The following WDR25 variants were observed in gnomAD, a reference collection of about 807,000 sequenced individuals.
The protein encoded by WDR25 is WD repeat-containing protein 25.
In WDR25, 35 loss-of-function variants were observed where a neutral mutation model predicts 47.7. That is an observed-to-expected ratio of 0.73 (90% CI 0.56 to 0.97). The LOEUF (loss-of-function observed/expected upper bound fraction) is 0.97. WDR25 is among the 50% of genes least tolerant of loss of function. The pLI, the probability that WDR25 is intolerant of heterozygous loss-of-function variation, is 0.00. For synonymous variants in WDR25, 248 were observed against 278.9 expected (o/e 0.89, Z 1.10); for missense variants, 634 against 704.7 (o/e 0.90, Z 1.14).
chr14:100,432,008 C>T (rs925988655), intron 2 of WDR25, among the ~76,000 whole-genome samples: 52 of 152,230 alleles, frequency 3.4e-4, no homozygotes, highest in African/African-American at 1.3e-3. Flanking sequence ...CCGCACCCAG[C>T]CTTGTTGGTA....
chr14:100,441,802 C>T (rs982195820), intron 2 of WDR25, among the ~76,000 whole-genome samples: 2 of 152,218 alleles, frequency 1.3e-5, no homozygotes, highest in East Asian at 1.9e-4. Flanking sequence ...AGTCAACAAG[C>T]ATCGGTTCCT....
chr14:100,503,332 G>C (rs775263058), intron 4 of WDR25, among the ~76,000 whole-genome samples: 1 of 152,016 alleles, frequency 6.6e-6, no homozygotes, highest in Admixed American at 6.6e-5. Flanking sequence ...TCCTCCCCCT[G>C]CCCCCCGCAT....
intron 4 of WDR25, among the ~76,000 whole-genome samples, chr14:100,521,205 G>C (rs141297564): frequency 0.022 from 3,285 of 148,434 alleles, 44 homozygotes; most frequent in Middle Eastern, 0.035. Context: ...CACACACACA[G>C]AGAGAGAGAG....
At chr14:100,379,380 CTTTTTTTTTCTTT>C (rs1896814334) in intron 1 of WDR25, among the ~76,000 whole-genome samples, 1 of 143,528 alleles carries the variant, frequency 7.0e-6, no homozygotes, top group Non-Finnish European at 1.5e-5. Flanking sequence ...TTCAGGTCTT[CTTTTTTTTTCTTT>C]TTTTTTTTTT....
intron 4 of WDR25, among the ~76,000 whole-genome samples, chr14:100,516,605 G>A (rs74081521): frequency 6.6e-6 from 1 of 152,202 alleles, no homozygotes; most frequent in African/African-American, 2.4e-5. Flanking sequence ...ACACTTGTAC[G>A]TTTTCATTGT....
intron 4 of WDR25, among the ~76,000 whole-genome samples, chr14:100,503,246 C>A (rs1423661247): frequency 6.6e-6 from 1 of 152,098 alleles, no homozygotes; most frequent in Non-Finnish European, 1.5e-5. Flanking sequence ...CATGCTGTCA[C>A]CATTGCCTTT....
chr14:100,440,887 C>A lies in WDR25; in HGVS notation c.823-27134C>A, dbSNP rs142880987. Among the ~76,000 whole-genome samples the A allele has an allele frequency of 2.0e-3, 309 of 152,294 alleles. 9 individuals are homozygous for A. The highest frequency in any genetic ancestry group is 5.4e-3 in the East Asian group (28 of 5,186). On this transcript the variant is annotated intron_variant, in intron 2 of 6. Coordinates refer to ENST00000402312, the MANE Select transcript of WDR25 (RefSeq NM_001161476.3). This position sits in a 1 kb window ranked among gnomAD's most constrained non-coding sequence, Gnocchi z 4.4. ...AGATTGTCTGCACTGGGATTGTTCC[C>A]CCAGGATAGTCCTGATGACAAATGT...
chr14:100,484,433 C>T (rs1160428156), intron 4 of WDR25, among the ~76,000 whole-genome samples: 2 of 151,550 alleles, frequency 1.3e-5, no homozygotes, highest in Non-Finnish European at 2.9e-5. Flanking sequence ...GAATAATGTG[C>T]GGGTACAGAT....
chr14:100,379,504 C>T (rs926178801), intron 1 of WDR25, among the ~76,000 whole-genome samples: 8 of 151,170 alleles, frequency 5.3e-5, no homozygotes, highest in African/African-American at 1.2e-4. Context: ...TCTTCTGTCT[C>T]AGCCTCTCAA....
Position 100,530,095 on chromosome 14 carries a change from T to G in WDR25, c.*54T>G. 6.5e-7 allele frequency: 1 copy of G among 1,548,354 alleles called. No homozygotes were observed. The highest frequency in any genetic ancestry group is 8.8e-7 in the Non-Finnish European group (1 of 1,139,110). On this transcript the variant is annotated 3_prime_UTR_variant, in exon 7 of 7. Transcript: ENST00000402312. ...CAGCTGGGCTCTTGGACTCCCCTCT[T>G]CCTCAAGGGTAGATGAGAGGAACGA...
intron 4 of WDR25, among the ~76,000 whole-genome samples, chr14:100,504,149 CT>C (rs1901034459): frequency 6.6e-6 from 1 of 152,102 alleles, no homozygotes; most frequent in African/African-American, 2.4e-5. Context: ...TTTGTAAATA[CT>C]TTTGTTTCTT....
At chr14:100,426,246 T>G (rs1275230919) in intron 2 of WDR25, among the ~76,000 whole-genome samples, 1 of 152,248 alleles carries the variant, frequency 6.6e-6, no homozygotes, top group Non-Finnish European at 1.5e-5. Flanking sequence ...TGTAGGGTTA[T>G]TGTTTTCTGC....
chr14:100,409,899 C>T (rs1381904719), intron 2 of WDR25, among the ~76,000 whole-genome samples: 2 of 152,164 alleles, frequency 1.3e-5, no homozygotes, highest in Non-Finnish European at 2.9e-5. Context: ...AGAGCTGCTC[C>T]AGAATTCTCA....
rs747545485 is a variant in WDR25 at position 100,529,225 on chromosome 14, C to T, written c.1413+17C>T. On this transcript the variant is annotated intron_variant, in intron 6 of 6. Transcript: ENST00000402312. This position sits in a 1 kb window ranked among gnomAD's most constrained non-coding sequence, Gnocchi z 5.1. ...GGGCACAAGGTACTTCTGTCCTTGTCCCCCAGGCGAATGCTGAGCCCCAGC... is the reference window on the plus strand; with the variant it reads ...GGGCACAAGGTACTTCTGTCCTTGTTCCCCAGGCGAATGCTGAGCCCCAGC... 3 of 1,612,608 alleles carry T rather than the reference C, an allele frequency of 1.9e-6. No homozygotes were observed. Among genetic ancestry groups the T allele is most frequent in the East Asian group, 2.2e-5 (1 of 44,856 alleles).
At chr14:100,413,155 T>G (rs1323102353) in intron 2 of WDR25, among the ~76,000 whole-genome samples, 1 of 152,150 alleles carries the variant, frequency 6.6e-6, no homozygotes, top group Non-Finnish European at 1.5e-5. Context: ...TTTAAAAAGG[T>G]AAATTAACTC....
At chr14:100,518,074 G>A (rs777396658) in intron 4 of WDR25, among the ~76,000 whole-genome samples, 8 of 152,042 alleles carry the variant, frequency 5.3e-5, no homozygotes, top group South Asian at 2.1e-4. Context: ...TTTTGCTGCT[G>A]TTCCTTCATC....
chr14:100,444,634 G>C lies in WDR25; in HGVS notation c.823-23387G>C, dbSNP rs538678702. On this transcript the variant is annotated intron_variant, in intron 2 of 6. Coordinates refer to ENST00000402312, the MANE Select transcript of WDR25 (RefSeq NM_001161476.3). ...CCCTCCGTGGCCTGCAGAAGTTCTG[G>C]GTTGGGCCTTTGGTTTCAGGCCCCT... 1.5e-3 allele frequency among the ~76,000 whole-genome samples: 224 copies of C among 152,306 alleles called. 3 individuals carry two copies. Among genetic ancestry groups the C allele is most frequent in the South Asian group, 2.5e-3 (12 of 4,822 alleles).
In WDR25 at chr14:100,424,174, GC is replaced by G. The variant is rs888816692; in HGVS notation, c.822+42429del. On this transcript the variant is annotated intron_variant, in intron 2 of 6. Coordinates refer to ENST00000402312, the MANE Select transcript of WDR25 (RefSeq NM_001161476.3). The surrounding 1 kb of genome is among the most constrained non-coding windows in gnomAD (Gnocchi z 4.2). ...AGGCACCACGGGCGAGGCCTCCCAG[GC>G]TGGCTGGGTGAGTGTTCCTGAGCCC... Among the ~76,000 whole-genome samples, 31 of 152,226 alleles carry G rather than the reference GC, an allele frequency of 2.0e-4. No homozygotes were observed.
intron 2 of WDR25, among the ~76,000 whole-genome samples, chr14:100,390,188 C>T (rs980465605): frequency 1.9e-4 from 29 of 151,960 alleles, no homozygotes; most frequent in African/African-American, 7.0e-4. Context: ...TTTAATATAG[C>T]ATATTGTTTT....
Sources: gnomAD v4.1 joint callset for allele counts (sites outside exome capture counted in the v4.1 genomes callset) on GRCh38, gnomAD v4.1.1 for gene constraint, Gnocchi (gnomAD v3.1) non-coding constraint, MANE v1.5 for transcripts, NCBI Gene and HGNC (gene_info 2026-07-23, HGNC 2026-07-21) for gene names.